LTBP1: variants seen among roughly 807,000 people sequenced by gnomAD.
LTBP1 encodes the protein latent transforming growth factor beta binding protein 1.
Under a neutral mutation model 207.6 loss-of-function variants are expected in LTBP1, and 129 were observed. The ratio of observed to expected loss-of-function variants is 0.62; its 90% CI spans 0.54 to 0.72. LTBP1 has a LOEUF of 0.72. Among genes scored for constraint, LTBP1 ranks in the 30% least tolerant of loss-of-function variants. The pLI is 0.00. For synonymous variants in LTBP1, 963 were observed against 833.7 expected (o/e 1.16, Z -2.67); for missense variants, 2,281 against 2,217.2 (o/e 1.03, Z -0.58).
At chr2:33,236,163 C>G (rs1409301720) in intron 9 of LTBP1, among the ~76,000 whole-genome samples, 2 of 152,200 alleles carry the variant, frequency 1.3e-5, no homozygotes, top group Non-Finnish European at 2.9e-5. Flanking sequence ...CTTGATAATT[C>G]TGTTCTTCAA....
intron 4 of LTBP1, among the ~76,000 whole-genome samples, chr2:33,117,378 A>C (rs1351470861): frequency 6.6e-6 from 1 of 152,144 alleles, no homozygotes; most frequent in Non-Finnish European, 1.5e-5. Context: ...TTTGATGGTA[A>C]ATGCTTATGT....
intron 15 of LTBP1, among the ~76,000 whole-genome samples, chr2:33,272,941 T>G (rs961814334): frequency 2.0e-4 from 30 of 152,116 alleles, no homozygotes; most frequent in African/African-American, 6.8e-4. Flanking sequence ...GTGAGTAGAC[T>G]GAGGACTTGA....
intron 3 of LTBP1, among the ~76,000 whole-genome samples, chr2:33,091,484 C>T (rs563314243): frequency 8.9e-4 from 135 of 152,222 alleles, no homozygotes; most frequent in African/African-American, 3.0e-3. Flanking sequence ...CTACGTAAGG[C>T]GGTCCAAGGT....
chr2:33,220,442 A>T (rs2091026533), intron 8 of LTBP1, among the ~76,000 whole-genome samples: 3 of 151,874 alleles, frequency 2.0e-5, no homozygotes. Context: ...ATTGTTGATC[A>T]TTTTTTTTGC....
At chr2:33,369,071 T>A (rs556172790) in intron 31 of LTBP1, among the ~76,000 whole-genome samples, 6 of 152,250 alleles carry the variant, frequency 3.9e-5, no homozygotes, top group African/African-American at 1.4e-4. Context: ...ATAAATTGTT[T>A]TCAACTAAAG....
At chr2:33,285,160 G>C (rs1192362344) in intron 19 of LTBP1, among the ~76,000 whole-genome samples, 2 of 149,880 alleles carry the variant, frequency 1.3e-5, no homozygotes, top group Admixed American at 6.7e-5. Context: ...TCCTGCGTCA[G>C]CCTCCCGAGT....
intron 15 of LTBP1, among the ~76,000 whole-genome samples, chr2:33,270,371 C>T (rs951467627): frequency 4.0e-5 from 6 of 151,806 alleles, no homozygotes; most frequent in African/African-American, 9.7e-5. Context: ...GGGTGGATCG[C>T]AAGGTCAAGA....
rs369112004 is a variant in LTBP1 at position 33,252,662 on chromosome 2, A to C, written c.2000-15A>C. On this transcript the variant is annotated splice_polypyrimidine_tract_variant and intron_variant, in intron 10 of 33. Coordinates refer to ENST00000404816, the MANE Select transcript of LTBP1 (RefSeq NM_206943.4). ...GGTTTCTCATGTAATGTCGGGCTTT[A>C]TCTCTCTGCTTCAGCTGATCCCCCT... 9.4e-6 allele frequency: 15 copies of C among 1,599,660 alleles called. No individual in the cohort carries two copies. In the African/African-American group the frequency reaches 1.3e-4, roughly 14 times the overall value.
intron 7 of LTBP1, among the ~76,000 whole-genome samples, chr2:33,205,346 C>A (rs1235009507): frequency 6.6e-6 from 1 of 152,190 alleles, no homozygotes; most frequent in African/African-American, 2.4e-5. Context: ...CACCAGCTTG[C>A]GCTTTTTATA....
chr2:33,116,245 G>T (rs2080739744), intron 4 of LTBP1, among the ~76,000 whole-genome samples: 1 of 152,200 alleles, frequency 6.6e-6, no homozygotes, highest in Non-Finnish European at 1.5e-5. Flanking sequence ...GAACGATTTA[G>T]AAATCTGAAC....
chr2:33,345,355 C>G (rs112325614), intron 25 of LTBP1, among the ~76,000 whole-genome samples: 2 of 152,358 alleles, frequency 1.3e-5, no homozygotes, highest in East Asian at 3.9e-4. Context: ...GCTGGCTCAT[C>G]ATTGTTACCC....
intron 9 of LTBP1, 107 bp from the exon 10 acceptor site, chr2:33,243,555 A>T: frequency 1.0e-6 from 1 of 1,003,496 alleles, no homozygotes. Context: ...TTTTTTCACT[A>T]TAACTAAAAG....
intron 3 of LTBP1, among the ~76,000 whole-genome samples, chr2:33,107,251 C>T (rs375132180): frequency 3.9e-5 from 6 of 152,196 alleles, no homozygotes; most frequent in Middle Eastern, 3.4e-3. Context: ...GATATGTATT[C>T]GATCTCCATG....
At chr2:33,299,742 A>C (rs1423704210) in intron 20 of LTBP1, among the ~76,000 whole-genome samples, 1 of 152,244 alleles carries the variant, frequency 6.6e-6, no homozygotes, top group African/African-American at 2.4e-5. Flanking sequence ...TGTTCAAGTT[A>C]TTGATGAAGC....
In LTBP1 at chr2:33,339,093, G is replaced by T. The variant is rs79736394; in HGVS notation, c.3731-3745G>T. On this transcript the variant is annotated intron_variant, in intron 24 of 33. Transcript: ENST00000404816. Reference sequence around the variant, plus strand: ...TGGGAAGATGACCCACCAAGAGTATGAGTATCAGGAAAGATAGTAAAGACG... The same window carrying T: ...TGGGAAGATGACCCACCAAGAGTATTAGTATCAGGAAAGATAGTAAAGACG... Among the ~76,000 whole-genome samples the T allele has an allele frequency of 3.6e-4, 55 of 152,174 alleles. No homozygotes were observed. The East Asian group carries it at 0.01, about 28-fold the overall frequency.
chr2:32,959,621 A>ATATATTT (rs1475834284), intron 2 of LTBP1, among the ~76,000 whole-genome samples: 2 of 36,670 alleles, frequency 5.5e-5, no homozygotes, highest in African/African-American at 9.6e-5. Flanking sequence ...ATATATATAT[A>ATATATTT]TTTTTTTTTT....
intron 10 of LTBP1, among the ~76,000 whole-genome samples, chr2:33,245,040 A>G (rs2092463830): frequency 1.3e-5 from 2 of 151,972 alleles, no homozygotes; most frequent in South Asian, 4.1e-4. Flanking sequence ...TACCACGCCC[A>G]GCTAATTTTT....
chr2:33,003,722 G>A (rs964392866), intron 2 of LTBP1, among the ~76,000 whole-genome samples: 2 of 152,198 alleles, frequency 1.3e-5, no homozygotes, highest in Non-Finnish European at 2.9e-5. Flanking sequence ...CATGAAAGTT[G>A]TAAGAATCAG....
intron 5 of LTBP1, among the ~76,000 whole-genome samples, chr2:33,143,678 C>T (rs2150823375): frequency 6.6e-6 from 1 of 152,286 alleles, no homozygotes; most frequent in African/African-American, 2.4e-5. Flanking sequence ...GCTGTTCCTG[C>T]TGCACAGAAT....
Sources: gnomAD v4.1 joint callset for allele counts (sites outside exome capture counted in the v4.1 genomes callset) on GRCh38, gnomAD v4.1.1 for gene constraint, MANE v1.5 for transcripts, NCBI Gene and HGNC (gene_info 2026-07-23, HGNC 2026-07-21) for gene names.